Variants in SNX30 observed in about 807,000 individuals in gnomAD.
SNX30 encodes the protein sorting nexin-30.
Under a neutral mutation model 46.4 loss-of-function variants are expected in SNX30, and 24 were observed. That is an observed-to-expected ratio of 0.52 (90% CI 0.37 to 0.73). SNX30 has a LOEUF of 0.73. Ranked by LOEUF, SNX30 falls within the 30% of genes least tolerant of loss-of-function variation. The pLI is 0.00. For synonymous variants in SNX30, 189 were observed against 211.5 expected (o/e 0.89, Z 0.92); for missense variants, 533 against 555.7 (o/e 0.96, Z 0.41).
At chr9:112,819,026 T>C (rs7871799) in intron 3 of SNX30, among the ~76,000 whole-genome samples, 115,918 of 152,090 alleles carry the variant, frequency 0.76, 44,665 homozygotes, top group South Asian at 0.86. Flanking sequence ...AAATAGAATC[T>C]TAAGGTGGCA....
intron 1 of SNX30, among the ~76,000 whole-genome samples, chr9:112,766,067 G>T (rs1215788436): frequency 2.0e-5 from 3 of 152,184 alleles, no homozygotes; most frequent in African/African-American, 7.2e-5. Flanking sequence ...CTCCCAAAGT[G>T]CTGGGATTAC....
intron 6 of SNX30, among the ~76,000 whole-genome samples, chr9:112,839,436 G>A (rs1483647395): frequency 6.6e-6 from 1 of 152,172 alleles, no homozygotes; most frequent in Non-Finnish European, 1.5e-5. Flanking sequence ...GAGTGAGAAT[G>A]GCTTTGGTCT....
At chr9:112,805,679 G>A (rs1157473837) in intron 2 of SNX30, among the ~76,000 whole-genome samples, 1 of 152,106 alleles carries the variant, frequency 6.6e-6, no homozygotes, top group African/African-American at 2.4e-5. Context: ...TTATTGGCCA[G>A]GCTGGTCTCG....
intron 7 of SNX30, among the ~76,000 whole-genome samples, chr9:112,857,117 G>A (rs555785625): frequency 6.6e-6 from 1 of 152,224 alleles, no homozygotes; most frequent in Non-Finnish European, 1.5e-5. Flanking sequence ...CGGAGAGTGC[G>A]TGTGGCCTTC....
intron 1 of SNX30, among the ~76,000 whole-genome samples, chr9:112,763,408 A>C (rs1050091881): frequency 9.9e-5 from 11 of 110,810 alleles, no homozygotes; most frequent in African/African-American, 3.9e-4. Flanking sequence ...GTGTGTAGAG[A>C]GAGGCGTCTC....
chr9:112,829,493 G>A (rs1199663679), intron 3 of SNX30, among the ~76,000 whole-genome samples: 3 of 152,168 alleles, frequency 2.0e-5, no homozygotes, highest in Non-Finnish European at 4.4e-5. Context: ...TGTTGCCCAG[G>A]CTGGTCTCGA....
intron 1 of SNX30, among the ~76,000 whole-genome samples, chr9:112,798,125 T>TC (rs1840142731): frequency 1.8e-5 from 1 of 55,198 alleles, no homozygotes; most frequent in Non-Finnish European, 4.0e-5. Context: ...TTTTTTCTTT[T>TC]TTTTTTTTTT....
At chr9:112,875,736 A>G (rs1841510005), downstream of SNX30, 5 of 152,218 alleles carry the variant, frequency 3.3e-5, no homozygotes, top group Admixed American at 3.3e-4. Context: ...GATATGGCCA[A>G]TTTAAATATT....
intron 1 of SNX30, among the ~76,000 whole-genome samples, chr9:112,781,818 A>G (rs1201663857): frequency 7.1e-6 from 1 of 141,710 alleles, no homozygotes; most frequent in African/African-American, 2.6e-5. Context: ...TTTTTTGTAT[A>G]TTTAGTAGAG....
At chr9:112,875,566 G>T (rs1414090135), downstream of SNX30, among the ~76,000 whole-genome samples, 1 of 152,180 alleles carries the variant, frequency 6.6e-6, no homozygotes, top group Non-Finnish European at 1.5e-5. Flanking sequence ...TTAGTATTAC[G>T]ATCTTTGAGA....
intron 6 of SNX30, among the ~76,000 whole-genome samples, chr9:112,839,225 G>A (rs1840816795): frequency 6.6e-6 from 1 of 152,164 alleles, no homozygotes; most frequent in African/African-American, 2.4e-5. Flanking sequence ...GAAGGAAATT[G>A]TAAAAGAAAT....
At chr9:112,860,799 A>G (rs766349886) in intron 7 of SNX30, among the ~76,000 whole-genome samples, 1 of 152,238 alleles carries the variant, frequency 6.6e-6, no homozygotes, top group Non-Finnish European at 1.5e-5. Flanking sequence ...AACACATGGA[A>G]TAAAGCTTGA....
chr9:112,832,843 TATATA>T lies in SNX30; in HGVS notation c.618+1966_618+1970del, dbSNP rs1216843742. ...TATTAATATATAATAAATATATTAA[TATATA>T]ATATATAATAAATATAATATATATA... On this transcript the variant is annotated intron_variant, in intron 4 of 8. Transcript: ENST00000374232. Among the ~76,000 whole-genome samples the T allele has an allele frequency of 3.4e-5, 5 of 146,700 alleles. No individual in the cohort carries two copies. The South Asian group carries it at 8.4e-4, about 25-fold the overall frequency.
At chr9:112,780,776 A>G (rs1839833562) in intron 1 of SNX30, among the ~76,000 whole-genome samples, 1 of 152,212 alleles carries the variant, frequency 6.6e-6, no homozygotes, top group African/African-American at 2.4e-5. Context: ...TTCACTAGGT[A>G]TAAATATTAC....
downstream of SNX30, chr9:112,879,522 C>A (rs931254734): frequency 2.1e-6 from 1 of 487,006 alleles, no homozygotes; most frequent in African/African-American, 1.9e-5. Flanking sequence ...GTCACAGAAC[C>A]CAGTGTCTGC....
At chr9:112,779,647 A>T (rs1377249803) in intron 1 of SNX30, among the ~76,000 whole-genome samples, 1 of 152,178 alleles carries the variant, frequency 6.6e-6, no homozygotes, top group African/African-American at 2.4e-5. Flanking sequence ...ATGAGCCAAG[A>T]TCGCGCCACT....
chr9:112,878,352 C>T (rs899702436), downstream of SNX30: 1 of 152,222 alleles, frequency 6.6e-6, no homozygotes, highest in African/African-American at 2.4e-5. Context: ...ATATTTTCAC[C>T]TTCAGGCCTT....
intron 2 of SNX30, among the ~76,000 whole-genome samples, chr9:112,813,733 C>T (rs1588124909): frequency 6.6e-6 from 1 of 151,314 alleles, no homozygotes; most frequent in Admixed American, 6.6e-5. Flanking sequence ...CTCGGCCTCC[C>T]GAAGTGTTGG....
intron 1 of SNX30, among the ~76,000 whole-genome samples, chr9:112,785,458 A>G (rs1178084341): frequency 6.7e-6 from 1 of 149,156 alleles, no homozygotes; most frequent in South Asian, 2.1e-4. Flanking sequence ...ATCTCGGCTC[A>G]CTGCAACCTC....
Sources: gnomAD v4.1 joint callset for allele counts (sites outside exome capture counted in the v4.1 genomes callset) on GRCh38, gnomAD v4.1.1 for gene constraint, MANE v1.5 for transcripts, NCBI Gene and HGNC (gene_info 2026-07-23, HGNC 2026-07-21) for gene names.